Variants in PRNP observed in about 807,000 individuals in gnomAD.
PRNP encodes the protein major prion protein.
Under a neutral mutation model 21.3 loss-of-function variants are expected in PRNP, and 15 were observed. The observed-to-expected ratio is 0.71, with a 90% CI of 0.47 to 1.09. The LOEUF (loss-of-function observed/expected upper bound fraction) is 1.09. PRNP is among the 50% of genes least tolerant of loss of function. The pLI, the probability that PRNP is intolerant of heterozygous loss-of-function variation, is 0.00. For missense variants in PRNP, 285 were observed against 340.9 expected, an observed-to-expected ratio of 0.84 and a Z score of 1.29; for synonymous variants, 121 against 123.1, an observed-to-expected ratio of 0.98 and a Z score of 0.11.
intron 1 of PRNP, among the ~76,000 whole-genome samples, chr20:4,692,301 C>G (rs1921880273): frequency 6.6e-6 from 1 of 152,060 alleles, no homozygotes; most frequent in African/African-American, 2.4e-5. Context: ...AATGTTTTTC[C>G]CCATGAAATG....
chr20:4,693,417 T>C (rs1022289956), intron 1 of PRNP, among the ~76,000 whole-genome samples: 4 of 152,182 alleles, frequency 2.6e-5, no homozygotes, highest in African/African-American at 9.7e-5. Flanking sequence ...GCAATCCTCC[T>C]GCCTGAGCTT....
At position 4,699,146 on chromosome 20, in the gene PRNP, G is replaced by A; in HGVS notation, c.-10-65G>A. ...CCATTGCTATGCACTCATTCATTAT[G>A]CAGGAAACATTTAGTAATTTCAACA... On this transcript the variant is annotated intron_variant, in intron 1 of 1. Coordinates refer to ENST00000379440, the MANE Select transcript of PRNP (RefSeq NM_000311.5). The surrounding 1 kb of genome is among the most constrained non-coding windows in gnomAD (Gnocchi z 5.8). The A allele has an allele frequency of 6.3e-7, 1 of 1,581,596 alleles. No individual in the cohort carries two copies. The highest frequency in any genetic ancestry group is 8.7e-7 in the Non-Finnish European group (1 of 1,151,836).
chr20:4,687,822 A>G (rs1921574073), intron 1 of PRNP, among the ~76,000 whole-genome samples: 1 of 152,134 alleles, frequency 6.6e-6, no homozygotes, highest in Admixed American at 6.5e-5. Flanking sequence ...CTTAGGGAAA[A>G]CTCCTGGTAG....
At chr20:4,688,773 T>C (rs1921634865) in intron 1 of PRNP, among the ~76,000 whole-genome samples, 1 of 152,220 alleles carries the variant, frequency 6.6e-6, no homozygotes, top group African/African-American at 2.4e-5. Flanking sequence ...CTGCTTACTC[T>C]AACGTGAACG....
intron 1 of PRNP, among the ~76,000 whole-genome samples, chr20:4,689,291 TCA>T (rs1266008297): frequency 1.3e-5 from 2 of 152,170 alleles, no homozygotes; most frequent in East Asian, 3.8e-4. Flanking sequence ...TCACCAAATG[TCA>T]CAGAAAATGA....
In PRNP at chr20:4,697,745, G is replaced by T. The variant is rs149410216; in HGVS notation, c.-10-1466G>T. On this transcript the variant is annotated intron_variant, in intron 1 of 1. Transcript: ENST00000379440. This position sits in a 1 kb window ranked among gnomAD's most constrained non-coding sequence, Gnocchi z 4.6. Reference sequence around the variant, plus strand: ...GTGACCCGCATATTAAGAGGAGAGCGCTCAATGGCAGCCAGGGGAGGAGCA... The same window carrying T: ...GTGACCCGCATATTAAGAGGAGAGCTCTCAATGGCAGCCAGGGGAGGAGCA... Among the ~76,000 whole-genome samples the T allele has an allele frequency of 2.2e-3, 330 of 152,310 alleles. 1 individual carries two copies. The highest frequency in any genetic ancestry group is 7.2e-3 in the African/African-American group (299 of 41,570).
intron 1 of PRNP, among the ~76,000 whole-genome samples, chr20:4,692,046 A>G (rs1289506791): frequency 6.6e-6 from 1 of 152,230 alleles, no homozygotes; most frequent in Non-Finnish European, 1.5e-5. Context: ...CAAAAATCTA[A>G]GAGATCCAAA....
At chr20:4,687,231 C>A (rs1921513448) in intron 1 of PRNP, among the ~76,000 whole-genome samples, 1 of 151,994 alleles carries the variant, frequency 6.6e-6, no homozygotes, top group Non-Finnish European at 1.5e-5. Context: ...CCCACGCGGA[C>A]TGACGGGCGG....
chr20:4,698,167 A>G, intron 1 of PRNP, among the ~76,000 whole-genome samples: 1 of 152,116 alleles, frequency 6.6e-6, no homozygotes, highest in African/African-American at 2.4e-5. Flanking sequence ...ACCCCCACCT[A>G]AAAGAGCCTC....
chr20:4,699,913 C>A lies in PRNP; in HGVS notation c.693C>A (p.Ser231Arg). ...ESQAYYQRGS[S>R]MVLFSSPPVI... ...AGGCCTATTACCAGAGAGGATCGAG[C>A]ATGGTCCTCTTCTCCTCTCCACCTG... The change falls in exon 2 of 2, where the codon AGC (serine) becomes AGA (arginine). Residue 231 changes from serine (S) to arginine (R), a missense_variant. Ser to Arg is a moderately radical substitution (Grantham distance 110, BLOSUM62 -1). Transcript: ENST00000379440. The surrounding 1 kb of genome is among the most constrained non-coding windows in gnomAD (Gnocchi z 5.8). The A allele has an allele frequency of 6.2e-7, 1 of 1,613,992 alleles. No individual in the cohort carries two copies. Among genetic ancestry groups the A allele is most frequent in the East Asian group, 2.2e-5 (1 of 44,864 alleles).
At chr20:4,694,886 C>G (rs2122215450) in intron 1 of PRNP, among the ~76,000 whole-genome samples, 1 of 151,632 alleles carries the variant, frequency 6.6e-6, no homozygotes, top group South Asian at 2.1e-4. Flanking sequence ...TTATTATATT[C>G]TTAATGATTT....
chr20:4,698,164 C>T (rs749933443), intron 1 of PRNP, among the ~76,000 whole-genome samples: 72 of 152,082 alleles, frequency 4.7e-4, no homozygotes, highest in Admixed American at 1.9e-3. Flanking sequence ...CAGACCCCCA[C>T]CTAAAAGAGC....
rs6037933 is a variant in PRNP, at chr20:4,698,786, T to C, written c.-10-425T>C. On this transcript the variant is annotated intron_variant, in intron 1 of 1. Coordinates refer to ENST00000379440, the MANE Select transcript of PRNP (RefSeq NM_000311.5). ...AATCATTTTACTATTGTCATAGGTC[T>C]CTGCTCTTGGAGCTAAGTGCCCAGG... Among the ~76,000 whole-genome samples the C allele has an allele frequency of 5.3e-3, 800 of 152,330 alleles. 17 individuals are homozygous for C. Among genetic ancestry groups the C allele is most frequent in the African/African-American group, 0.018 (764 of 41,570 alleles).
At position 4,697,020 on chromosome 20, in the gene PRNP, G is replaced by T. The variant is rs910953411; in HGVS notation, c.-10-2191G>T. On this transcript the variant is annotated intron_variant, in intron 1 of 1. Coordinates refer to ENST00000379440, the MANE Select transcript of PRNP (RefSeq NM_000311.5). This position sits in a 1 kb window ranked among gnomAD's most constrained non-coding sequence, Gnocchi z 4.6. The stretch of plus-strand genomic sequence containing the variant: ...GCCCGACTCAGTGTCATTCCCTGCA[G>T]TCTCCTCTTCCTCCCATCTTACCCA... Among the ~76,000 whole-genome samples, 4 of 152,164 alleles carry T rather than the reference G, an allele frequency of 2.6e-5. No individual in the cohort carries two copies. Among genetic ancestry groups the T allele is most frequent in the Non-Finnish European group, 5.9e-5 (4 of 68,042 alleles).
chr20:4,687,074 C>T (rs930495927), intron 1 of PRNP, among the ~76,000 whole-genome samples: 4 of 152,104 alleles, frequency 2.6e-5, no homozygotes, highest in African/African-American at 9.7e-5. Flanking sequence ...GAGGGGCGCC[C>T]GCCGGGGGAG....
Position 4,699,745 on chromosome 20 carries a change from T to A in PRNP, c.525T>A (p.Phe175Leu). 2.5e-6 allele frequency: 4 copies of A among 1,614,030 alleles called. No individual in the cohort carries two copies. Among genetic ancestry groups the A allele is most frequent in the Non-Finnish European group, 3.4e-6 (4 of 1,180,010 alleles). ...ATGAGTACAGCAACCAGAACAACTT[T>A]GTGCACGACTGCGTCAATATCACAA... The part of the protein sequence containing the change: ...PMDEYSNQNN[F>L]VHDCVNITIK... The change falls in exon 2 of 2, where the codon TTT becomes TTA. Residue 175 changes from phenylalanine to leucine, a missense_variant. By Grantham distance (22) the Phe-to-Leu change is conservative (BLOSUM62 0). Coordinates refer to ENST00000379440, the MANE Select transcript of PRNP (RefSeq NM_000311.5). This position sits in a 1 kb window ranked among gnomAD's most constrained non-coding sequence, Gnocchi z 5.8.
At chr20:4,687,483 G>T (rs1205407386) in intron 1 of PRNP, among the ~76,000 whole-genome samples, 1 of 152,254 alleles carries the variant, frequency 6.6e-6, no homozygotes, top group Admixed American at 6.5e-5. Flanking sequence ...CACCTGTGCG[G>T]CAGGCGCCTT....
At chr20:4,698,111 G>C (rs1922287381) in intron 1 of PRNP, among the ~76,000 whole-genome samples, 1 of 152,186 alleles carries the variant, frequency 6.6e-6, no homozygotes, top group East Asian at 1.9e-4. Context: ...ACGAGATTGT[G>C]GGGACTACAT....
chr20:4,689,074 GT>G (rs1433648223), intron 1 of PRNP, among the ~76,000 whole-genome samples: 1 of 151,994 alleles, frequency 6.6e-6, no homozygotes, highest in Non-Finnish European at 1.5e-5. Context: ...TGTGTATTGG[GT>G]TTTTTTAAGA....
Sources: allele counts gnomAD v4.1 joint callset (sites outside exome capture counted in the v4.1 genomes callset), GRCh38; gene constraint gnomAD v4.1.1; non-coding constraint Gnocchi (gnomAD v3.1); transcripts MANE v1.5; gene names NCBI Gene and HGNC (gene_info 2026-07-23, HGNC 2026-07-21).